ST3GAL1: variants seen among roughly 807,000 people sequenced by gnomAD.
ST3GAL1 encodes the protein CMP-N-acetylneuraminate-beta-galactosamide-alpha-2,3-sialyltransferase 1.
In ST3GAL1, 16 loss-of-function variants were observed where a neutral mutation model predicts 34.1. The observed-to-expected ratio is 0.47, with a 90% CI of 0.32 to 0.71. The LOEUF (loss-of-function observed/expected upper bound fraction) is 0.71. Among genes scored for constraint, ST3GAL1 ranks in the 30% least tolerant of loss-of-function variants. The pLI, the probability that ST3GAL1 is intolerant of heterozygous loss-of-function variation, is 0.04. For missense variants in ST3GAL1, 353 were observed against 447.4 expected (o/e 0.79, Z 1.90); for synonymous variants, 191 against 184.7 (o/e 1.03, Z -0.28).
intron 5 of ST3GAL1, among the ~76,000 whole-genome samples, chr8:133,471,784 T>C (rs1337546492): frequency 1.3e-5 from 2 of 151,906 alleles, no homozygotes; most frequent in Admixed American, 1.3e-4. Context: ...TGGCCAGAGT[T>C]GGTGCTAGGC....
intron 3 of ST3GAL1, among the ~76,000 whole-genome samples, chr8:133,488,826 CAA>C (rs776888090): frequency 1.3e-5 from 2 of 152,022 alleles, no homozygotes; most frequent in Non-Finnish European, 1.5e-5. Flanking sequence ...TGAAAGAAAA[CAA>C]AGTCAAGTGG....
At chr8:133,561,807 G>A (rs554674455) in intron 1 of ST3GAL1, among the ~76,000 whole-genome samples, 6 of 152,266 alleles carry the variant, frequency 3.9e-5, no homozygotes, top group Non-Finnish European at 5.9e-5. Flanking sequence ...TGTTGATCAA[G>A]TCAACTCACT....
At chr8:133,553,215 T>C (rs771892993) in intron 1 of ST3GAL1, among the ~76,000 whole-genome samples, 6 of 152,144 alleles carry the variant, frequency 3.9e-5, no homozygotes, top group Non-Finnish European at 7.3e-5. Context: ...ACATGGGCCA[T>C]GAGCAGATTC....
intron 3 of ST3GAL1, among the ~76,000 whole-genome samples, chr8:133,492,989 C>T (rs1040340): frequency 0.94 from 143,706 of 152,244 alleles, 67,862 homozygotes; most frequent in East Asian, 1. Context: ...GCCGAATGAC[C>T]GCTGGGAATG....
chr8:133,534,198 G>C (rs891793835), intron 2 of ST3GAL1, among the ~76,000 whole-genome samples: 3 of 152,034 alleles, frequency 2.0e-5, no homozygotes, highest in Admixed American at 2.0e-4. Flanking sequence ...CCTTCCCTTC[G>C]TCCTCTTCTT....
At chr8:133,465,002 C>T (rs1019736427) in intron 6 of ST3GAL1, 45 bp from the exon 7 acceptor site, 18 of 1,565,180 alleles carry the variant, frequency 1.2e-5, no homozygotes, top group Admixed American at 1.8e-5. Flanking sequence ...CACGGGCACC[C>T]GTTCTCAGAC....
intron 8 of ST3GAL1, 142 bp downstream of exon 8, chr8:133,463,272 A>T: frequency 1.1e-6 from 1 of 897,586 alleles, no homozygotes; most frequent in Non-Finnish European, 1.8e-6. Context: ...CTCTTCCCCC[A>T]GGGGGATAGC....
intron 2 of ST3GAL1, among the ~76,000 whole-genome samples, chr8:133,538,949 G>C (rs1002313702): frequency 2.0e-5 from 3 of 152,104 alleles, no homozygotes; most frequent in Non-Finnish European, 4.4e-5. Flanking sequence ...CTGTGCCTGG[G>C]TTTCATCATC....
Position 133,466,942 on chromosome 8 carries a change from C to T in ST3GAL1, c.307-852G>A, listed in dbSNP as rs905718281. Among the ~76,000 whole-genome samples the T allele has an allele frequency of 1.3e-5, 2 of 151,966 alleles. No homozygotes were observed. The highest frequency in any genetic ancestry group is 4.8e-5 in the African/African-American group (2 of 41,364). Reference sequence around the variant, plus strand: ...TGAAACCCCATCTCTATTAAAAATACAAAAAAGCCGGGCATGGTGGTGCCC... The same window carrying T: ...TGAAACCCCATCTCTATTAAAAATATAAAAAAGCCGGGCATGGTGGTGCCC... On this transcript the variant is annotated intron_variant, in intron 5 of 9. Coordinates refer to ENST00000522652, the MANE Select transcript of ST3GAL1 (RefSeq NM_173344.3). The surrounding 1 kb of genome is among the most constrained non-coding windows in gnomAD (Gnocchi z 4.4).
intron 1 of ST3GAL1, among the ~76,000 whole-genome samples, chr8:133,555,044 T>C (rs979397941): frequency 6.6e-6 from 1 of 152,048 alleles, no homozygotes; most frequent in African/African-American, 2.4e-5. Flanking sequence ...GTTTTTCTAC[T>C]TCACTCTGAG....
intron 1 of ST3GAL1, among the ~76,000 whole-genome samples, chr8:133,561,680 G>T (rs1271883615): frequency 1.3e-5 from 2 of 152,184 alleles, no homozygotes; most frequent in Non-Finnish European, 2.9e-5. Context: ...GCTCAGCCAA[G>T]GAGGGAGCAC....
intron 1 of ST3GAL1, among the ~76,000 whole-genome samples, chr8:133,562,297 C>T (rs1475870329): frequency 6.6e-6 from 1 of 151,730 alleles, no homozygotes; most frequent in Non-Finnish European, 1.5e-5. Context: ...GCAACCTCCG[C>T]CTCCTGGGTT....
At chr8:133,496,751 G>A (rs559533863) in intron 3 of ST3GAL1, among the ~76,000 whole-genome samples, 4 of 152,214 alleles carry the variant, frequency 2.6e-5, no homozygotes, top group South Asian at 2.1e-4. Flanking sequence ...GGCCTCTCTC[G>A]GCCATAATGG....
At chr8:133,535,761 G>T in intron 2 of ST3GAL1, among the ~76,000 whole-genome samples, 1 of 152,120 alleles carries the variant, frequency 6.6e-6, no homozygotes, top group Non-Finnish European at 1.5e-5. Context: ...AGTGCTAGGA[G>T]CATAAGCCAG....
chr8:133,488,075 A>C (rs749961684), intron 3 of ST3GAL1: 1 of 151,960 alleles, frequency 6.6e-6, no homozygotes, highest in African/African-American at 2.4e-5. Flanking sequence ...CACACAAAAG[A>C]CCAGCTGTGA....
intron 2 of ST3GAL1, among the ~76,000 whole-genome samples, chr8:133,517,846 A>T (rs1817691180): frequency 6.6e-6 from 1 of 152,266 alleles, no homozygotes; most frequent in Non-Finnish European, 1.5e-5. Context: ...AACAATAATC[A>T]GAAAGTTTTA....
At position 133,469,205 on chromosome 8, in the gene ST3GAL1, T is replaced by A. The variant is rs1161614414; in HGVS notation, c.307-3115A>T. Among the ~76,000 whole-genome samples, 1 of 152,010 alleles carries A rather than the reference T, an allele frequency of 6.6e-6. No individual in the cohort carries two copies. Among genetic ancestry groups the A allele is most frequent in the African/African-American group, 2.4e-5 (1 of 41,408 alleles). Reference sequence around the variant, plus strand: ...AATGACTTATTTAAGAAAAATAAATTGATTGATTGATTGATTGATTTGATT... The same window carrying A: ...AATGACTTATTTAAGAAAAATAAATAGATTGATTGATTGATTGATTTGATT... On this transcript the variant is annotated intron_variant, in intron 5 of 9. Coordinates refer to ENST00000522652, the MANE Select transcript of ST3GAL1 (RefSeq NM_173344.3). This position sits in a 1 kb window ranked among gnomAD's most constrained non-coding sequence, Gnocchi z 4.3.
intron 3 of ST3GAL1, among the ~76,000 whole-genome samples, chr8:133,497,995 C>T (rs1271826136): frequency 6.6e-6 from 1 of 152,216 alleles, no homozygotes; most frequent in African/African-American, 2.4e-5. Context: ...CTGTTCCTAC[C>T]CCAGAATCCA....
At position 133,458,356 on chromosome 8, in the gene ST3GAL1, C is replaced by T. The variant is rs1174759477; in HGVS notation, c.*1408G>A. 6.6e-6 allele frequency: 1 copy of T among 152,092 alleles called. No individual in the cohort carries two copies. The highest frequency in any genetic ancestry group is 6.5e-5 in the Admixed American group (1 of 15,272). The allele number at this position is 152,092 out of a possible 1,614,324, so 9.4% of individuals were successfully genotyped here. ...AAGGCTAATGAGGAAAAGAGAGTAG[C>T]TGGGGAGTAAGAAGATGAGGTATGT... On this transcript the variant is annotated 3_prime_UTR_variant, in exon 10 of 10. Coordinates refer to ENST00000522652, the MANE Select transcript of ST3GAL1 (RefSeq NM_173344.3).
Sources: allele counts gnomAD v4.1 joint callset (sites outside exome capture counted in the v4.1 genomes callset), GRCh38; gene constraint gnomAD v4.1.1; non-coding constraint Gnocchi (gnomAD v3.1); transcripts MANE v1.5; gene names NCBI Gene and HGNC (gene_info 2026-07-23, HGNC 2026-07-21).